The following TPRG1 variants were observed in gnomAD, a reference collection of about 807,000 sequenced individuals.
TPRG1 encodes the protein tumor protein p63 regulated 1.
A neutral mutation model predicts 29.3 loss-of-function variants in TPRG1; 29 were observed. The observed-to-expected ratio is 0.99, with a 90% CI of 0.74 to 1.35. The LOEUF is 1.35. TPRG1 is among the 40% of genes most tolerant of loss of function. The pLI is 0.00. For missense variants in TPRG1, 327 were observed against 335.0 expected (o/e 0.98, Z 0.19); for synonymous variants, 130 against 116.8 (o/e 1.11, Z -0.73).
chr3:189,201,365 G>A (rs554850147), intron 1 of TPRG1, among the ~76,000 whole-genome samples: 16 of 152,150 alleles, frequency 1.1e-4, no homozygotes, highest in African/African-American at 2.9e-4. Context: ...TAAAAATCCC[G>A]TGTGACTTCT....
chr3:189,312,113 CTTTGTTTCTT>C (rs1560688910), intron 5 of TPRG1, among the ~76,000 whole-genome samples: 7 of 73,734 alleles, frequency 9.5e-5, no homozygotes, highest in South Asian at 3.7e-4. Context: ...TTGTTTCTTT[CTTTGTTTCTT>C]TCTTTCTTTC....
intron 3 of TPRG1, among the ~76,000 whole-genome samples, chr3:189,145,728 A>G (rs1725180509): frequency 6.6e-6 from 1 of 152,250 alleles, no homozygotes; most frequent in Non-Finnish European, 1.5e-5. Flanking sequence ...TCTAGAACAC[A>G]GGACTGAAAA....
At chr3:189,271,493 G>T (rs1208966418) in intron 4 of TPRG1, among the ~76,000 whole-genome samples, 1 of 152,192 alleles carries the variant, frequency 6.6e-6, no homozygotes, top group African/African-American at 2.4e-5. Context: ...CTCAGTGGGT[G>T]CCAACATTCA....
chr3:189,082,900 C>T (rs144727679), intron 4 of TPRG1, among the ~76,000 whole-genome samples: 107 of 152,194 alleles, frequency 7.0e-4, no homozygotes, highest in Non-Finnish European at 1.2e-3. Context: ...CAGATATTTC[C>T]CTGTGTTTGT....
intron 4 of TPRG1, among the ~76,000 whole-genome samples, chr3:189,032,051 G>A (rs1267739066): frequency 2.6e-5 from 4 of 152,132 alleles, no homozygotes; most frequent in African/African-American, 7.2e-5. Context: ...ACATCCTAAT[G>A]TTTGTAACCC....
Position 189,266,070 on chromosome 3 carries a change from G to A in TPRG1, c.479+27161G>A, listed in dbSNP as rs555362349. On this transcript the variant is annotated intron_variant, in intron 4 of 5. Coordinates refer to ENST00000345063, the MANE Select transcript of TPRG1 (RefSeq NM_198485.4). ...ATGTTCATGTTGTTTAGAAGTCCACGGGCCATGGTTCCAATCCCAGACTTG... is the reference window on the plus strand; with the variant it reads ...ATGTTCATGTTGTTTAGAAGTCCACAGGCCATGGTTCCAATCCCAGACTTG... Among the ~76,000 whole-genome samples, 19 of 152,158 alleles carry A rather than the reference G, an allele frequency of 1.2e-4. No individual in the cohort carries two copies. In the South Asian group the frequency reaches 3.1e-3, roughly 25 times the overall value.
At chr3:189,230,404 C>T (rs998491530) in intron 3 of TPRG1, among the ~76,000 whole-genome samples, 4 of 151,952 alleles carry the variant, frequency 2.6e-5, no homozygotes, top group African/African-American at 7.3e-5. Context: ...GGGATCATAA[C>T]CATTTCACAT....
chr3:189,147,275 G>A (rs1725391124), intron 3 of TPRG1, among the ~76,000 whole-genome samples: 1 of 152,106 alleles, frequency 6.6e-6, no homozygotes, highest in African/African-American at 2.4e-5. Context: ...AGAATCTTTC[G>A]GCCTCACATT....
intron 4 of TPRG1, among the ~76,000 whole-genome samples, chr3:189,259,177 A>T (rs1327536061): frequency 6.6e-6 from 1 of 151,906 alleles, no homozygotes; most frequent in African/African-American, 2.4e-5. Context: ...GATCGTGGGG[A>T]AAGCGTAGTG....
chr3:189,247,621 G>A (rs1458701036), intron 4 of TPRG1, among the ~76,000 whole-genome samples: 4 of 151,814 alleles, frequency 2.6e-5, no homozygotes, highest in African/African-American at 7.3e-5. Context: ...AGTGGGGAGT[G>A]GAAGAATGGG....
intron 4 of TPRG1, among the ~76,000 whole-genome samples, chr3:189,074,971 C>T (rs1166380501): frequency 2.6e-5 from 4 of 151,806 alleles, no homozygotes; most frequent in Admixed American, 6.6e-5. Flanking sequence ...GCCACCACGC[C>T]CGGCTAATTT....
chr3:189,100,878 C>T (rs778011936), intron 1 of TPRG1, among the ~76,000 whole-genome samples: 1 of 152,180 alleles, frequency 6.6e-6, no homozygotes, highest in Non-Finnish European at 1.5e-5. Flanking sequence ...GAAAATCCTG[C>T]CTTGTACATC....
rs1440010966 is a variant in TPRG1 at position 189,272,207 on chromosome 3, CTAT to C, written c.479+33305_479+33307del. Among the ~76,000 whole-genome samples the C allele has an allele frequency of 5.9e-5, 9 of 152,286 alleles. No homozygotes were observed. The South Asian group carries it at 1.0e-3, about 18-fold the overall frequency. On this transcript the variant is annotated intron_variant, in intron 4 of 5. Coordinates refer to ENST00000345063, the MANE Select transcript of TPRG1 (RefSeq NM_198485.4). ...CTTTTCCCATATGTAATGCAAGCAT[CTAT>C]TATTATATTTGGGATCTGCTTTGAC...
rs554197147 is a variant in TPRG1, at chr3:189,301,762, A to T, written c.480-8624A>T. Among the ~76,000 whole-genome samples the T allele has an allele frequency of 3.9e-5, 6 of 152,272 alleles. No homozygotes were observed. The East Asian group carries it at 7.7e-4, about 20-fold the overall frequency. On this transcript the variant is annotated intron_variant, in intron 4 of 5. Coordinates refer to ENST00000345063, the MANE Select transcript of TPRG1 (RefSeq NM_198485.4). The stretch of plus-strand genomic sequence containing the variant: ...ACGGGTTCCATTCACCTCTGAACAC[A>T]CTATGCCTCTTCGTTCTCTAGTTTT...
In TPRG1 at chr3:189,294,552, C is replaced by A. The variant is rs1477810860; in HGVS notation, c.480-15834C>A. On this transcript the variant is annotated intron_variant, in intron 4 of 5. Transcript: ENST00000345063. ...TAAAAAAATGCTACCAGCTCCCCAG[C>A]TCCACTGTGTCCCCTTTAGAGAGGT... Among the ~76,000 whole-genome samples, 3 of 152,172 alleles carry A rather than the reference C, an allele frequency of 2.0e-5. No homozygotes were observed. In the East Asian group the frequency reaches 5.8e-4, roughly 29 times the overall value.
chr3:189,072,310 A>AGAGTCATGATAAG (rs1227078099), intron 4 of TPRG1, among the ~76,000 whole-genome samples: 1 of 152,176 alleles, frequency 6.6e-6, no homozygotes, highest in Non-Finnish European at 1.5e-5. Flanking sequence ...AATCCAATCT[A>AGAGTCATGATAAG]GAGTCATGAA....
intron 4 of TPRG1, among the ~76,000 whole-genome samples, chr3:189,088,713 T>C (rs1233470199): frequency 6.6e-6 from 1 of 152,178 alleles, no homozygotes; most frequent in Admixed American, 6.5e-5. Flanking sequence ...TTGTGATCCA[T>C]GTGTGAGAGG....
chr3:189,034,500 A>G (rs1045978480), intron 4 of TPRG1, among the ~76,000 whole-genome samples: 1 of 152,222 alleles, frequency 6.6e-6, no homozygotes, highest in African/African-American at 2.4e-5. Context: ...CAACATAAAC[A>G]ATATATCAAT....
chr3:189,116,065 G>A (rs1350245325), intron 1 of TPRG1, among the ~76,000 whole-genome samples: 1 of 152,148 alleles, frequency 6.6e-6, no homozygotes, highest in Non-Finnish European at 1.5e-5. Context: ...GCCAGTATGG[G>A]CAACAGTATG....
Sources: allele counts gnomAD v4.1 joint callset (sites outside exome capture counted in the v4.1 genomes callset), GRCh38; gene constraint gnomAD v4.1.1; transcripts MANE v1.5; gene names NCBI Gene and HGNC (gene_info 2026-07-23, HGNC 2026-07-21).